Variants in CNTN5 observed in about 807,000 individuals in gnomAD.
CNTN5 encodes the protein contactin-5.
CNTN5 carries 77 observed loss-of-function variants against 129.1 expected under a neutral mutation model. The observed-to-expected ratio is 0.60, with a 90% CI of 0.50 to 0.72. The LOEUF (loss-of-function observed/expected upper bound fraction) is 0.72. Ranked by LOEUF, CNTN5 falls within the 30% of genes least tolerant of loss-of-function variation. CNTN5 has a pLI of 0.00. For synonymous variants in CNTN5, 509 were observed against 465.6 expected (o/e 1.09, Z -1.20); for missense variants, 1,478 against 1,328.8 (o/e 1.11, Z -1.75).
At chr11:99,631,676 CTAAT>C (rs986133063) in intron 3 of CNTN5, among the ~76,000 whole-genome samples, 5 of 150,794 alleles carry the variant, frequency 3.3e-5, no homozygotes, top group Non-Finnish European at 7.4e-5. Flanking sequence ...ATAAAGCTGA[CTAAT>C]TGGTATTGTC....
intron 3 of CNTN5, among the ~76,000 whole-genome samples, chr11:99,578,078 G>A (rs895008941): frequency 6.7e-6 from 1 of 150,204 alleles, no homozygotes; most frequent in African/African-American, 2.5e-5. Context: ...AACATGCGGT[G>A]TTTGGTTTTT....
intron 13 of CNTN5, among the ~76,000 whole-genome samples, chr11:100,125,370 C>G (rs1201096268): frequency 6.6e-6 from 1 of 152,024 alleles, no homozygotes; most frequent in Non-Finnish European, 1.5e-5. Context: ...ATCTTTATGT[C>G]CATGTGTACT....
intron 6 of CNTN5, among the ~76,000 whole-genome samples, chr11:99,869,820 G>A (rs1336248871): frequency 6.6e-6 from 1 of 152,066 alleles, no homozygotes; most frequent in African/African-American, 2.4e-5. Flanking sequence ...AGATCTATGT[G>A]GCAAAGATGA....
At chr11:100,344,593 T>C (rs933815565) in intron 23 of CNTN5, among the ~76,000 whole-genome samples, 10 of 152,120 alleles carry the variant, frequency 6.6e-5, no homozygotes, top group Non-Finnish European at 1.0e-4. Flanking sequence ...GAAGGGTGAC[T>C]ATAGTTAATA....
intron 3 of CNTN5, among the ~76,000 whole-genome samples, chr11:99,714,055 A>G (rs939340628): frequency 6.6e-6 from 1 of 151,836 alleles, no homozygotes; most frequent in Non-Finnish European, 1.5e-5. Context: ...GTTTCTTTTT[A>G]TTCATAGAGG....
At chr11:99,115,004 T>C (rs1039427595) in intron 1 of CNTN5, among the ~76,000 whole-genome samples, 1 of 152,124 alleles carries the variant, frequency 6.6e-6, no homozygotes, top group African/African-American at 2.4e-5. Flanking sequence ...GAGAGCTCCC[T>C]TCCCCCTTCT....
At chr11:99,639,826 A>G (rs973578325) in intron 3 of CNTN5, among the ~76,000 whole-genome samples, 1 of 152,048 alleles carries the variant, frequency 6.6e-6, no homozygotes, top group Non-Finnish European at 1.5e-5. Flanking sequence ...AGCCTCCCAA[A>G]GTGCTGGGAT....
chr11:99,757,359 C>T (rs144783936), intron 3 of CNTN5, among the ~76,000 whole-genome samples: 3,120 of 151,606 alleles, frequency 0.021, 66 homozygotes, highest in Middle Eastern at 0.031. Flanking sequence ...CCTCTTCCTT[C>T]ATCTTCACAT....
intron 7 of CNTN5, among the ~76,000 whole-genome samples, chr11:99,935,300 AATC>A (rs1430839086): frequency 3.3e-5 from 5 of 151,992 alleles, no homozygotes; most frequent in Non-Finnish European, 7.4e-5. Context: ...ACGTAACTAA[AATC>A]ATTCTAAATA....
chr11:100,097,285 G>A (rs374165090), intron 13 of CNTN5, among the ~76,000 whole-genome samples: 7 of 152,062 alleles, frequency 4.6e-5, no homozygotes, highest in Admixed American at 4.6e-4. Context: ...AACTGAGGAT[G>A]AGAGTGGTAA....
At chr11:99,038,619 A>T (rs1425112123) in intron 1 of CNTN5, among the ~76,000 whole-genome samples, 1 of 152,130 alleles carries the variant, frequency 6.6e-6, no homozygotes, top group Non-Finnish European at 1.5e-5. Flanking sequence ...GCTTATTACA[A>T]AAACAAGGGC....
chr11:99,796,067 GC>G (rs1372839684), intron 3 of CNTN5, among the ~76,000 whole-genome samples: 1 of 152,134 alleles, frequency 6.6e-6, no homozygotes, highest in Non-Finnish European at 1.5e-5. Context: ...AGTGATGGTG[GC>G]AATGCAATGT....
At chr11:99,957,225 C>T (rs1438394711) in intron 8 of CNTN5, among the ~76,000 whole-genome samples, 1 of 152,036 alleles carries the variant, frequency 6.6e-6, no homozygotes, top group African/African-American at 2.4e-5. Flanking sequence ...GAAATATTCA[C>T]CATAATGCTA....
chr11:100,079,788 A>G (rs1177468568), intron 13 of CNTN5, among the ~76,000 whole-genome samples: 1 of 152,086 alleles, frequency 6.6e-6, no homozygotes, highest in Non-Finnish European at 1.5e-5. Flanking sequence ...CAGAAGTACT[A>G]GTAAGTAAAA....
At chr11:99,052,138 T>G (rs1864450792) in intron 1 of CNTN5, among the ~76,000 whole-genome samples, 1 of 151,898 alleles carries the variant, frequency 6.6e-6, no homozygotes, top group Non-Finnish European at 1.5e-5. Flanking sequence ...GATGTATGGT[T>G]ATATGTAAGG....
intron 3 of CNTN5, among the ~76,000 whole-genome samples, chr11:99,700,747 C>G (rs185958928): frequency 6.6e-6 from 1 of 150,844 alleles, no homozygotes; most frequent in African/African-American, 2.4e-5. Context: ...CTGTCCTGGT[C>G]CTATCTACAC....
intron 8 of CNTN5, among the ~76,000 whole-genome samples, chr11:99,966,508 A>G (rs1333591360): frequency 6.6e-6 from 1 of 152,214 alleles, no homozygotes; most frequent in African/African-American, 2.4e-5. Flanking sequence ...TGGAGGGTGT[A>G]TTGATGGACT....
chr11:100,258,771 G>A lies in CNTN5; in HGVS notation c.2164+2853G>A, dbSNP rs145353109. ...GAGAGATGTTGTCACCACCAGGCCT[G>A]CCTTACAAGAGATCCTGAAGGAAGC... On this transcript the variant is annotated intron_variant, in intron 17 of 24. Transcript: ENST00000524871. 3.5e-3 allele frequency among the ~76,000 whole-genome samples: 540 copies of A among 152,264 alleles called. 14 individuals are homozygous for A. The East Asian group carries it at 0.042, about 12-fold the overall frequency.
chr11:100,028,327 C>A (rs1460929499), intron 9 of CNTN5, among the ~76,000 whole-genome samples: 2 of 152,140 alleles, frequency 1.3e-5, no homozygotes, highest in Non-Finnish European at 2.9e-5. Flanking sequence ...AATATCAGTT[C>A]AATTATCTGC....
Sources: gnomAD v4.1 joint callset for allele counts (sites outside exome capture counted in the v4.1 genomes callset) on GRCh38, gnomAD v4.1.1 for gene constraint, MANE v1.5 for transcripts, NCBI Gene and HGNC (gene_info 2026-07-23, HGNC 2026-07-21) for gene names.